The following NR2C2 variants were observed in gnomAD, a reference collection of about 807,000 sequenced individuals.
NR2C2 encodes the protein nuclear receptor subfamily 2 group C member 2.
Under a neutral mutation model 62.9 loss-of-function variants are expected in NR2C2, and 6 were observed. The observed-to-expected ratio is 0.10, with a 90% CI of 0.05 to 0.19. The LOEUF (loss-of-function observed/expected upper bound fraction) is 0.19, where lower values mean the gene tolerates loss of function less well. Ranked by LOEUF, NR2C2 falls within the 10% of genes least tolerant of loss-of-function variation. The pLI is 1.00. For synonymous variants in NR2C2, 272 were observed against 273.8 expected (o/e 0.99, Z 0.07); for missense variants, 479 against 762.7 (o/e 0.63, Z 4.38).
chr3:15,020,683 A>G, intron 4 of NR2C2, 70 bp from the exon 5 acceptor site: 1 of 1,551,468 alleles, frequency 6.4e-7, no homozygotes, highest in Non-Finnish European at 8.8e-7. Context: ...ACAGGAACTG[A>G]CAGATCACCT....
At chr3:14,952,387 T>G (rs749330713) in intron 1 of NR2C2, among the ~76,000 whole-genome samples, 1 of 152,174 alleles carries the variant, frequency 6.6e-6, no homozygotes, top group Non-Finnish European at 1.5e-5. Context: ...TTTTTATTGT[T>G]GAGTTCTCTT....
At chr3:14,979,084 C>T (rs540399613) in intron 1 of NR2C2, among the ~76,000 whole-genome samples, 3 of 152,212 alleles carry the variant, frequency 2.0e-5, no homozygotes, top group Admixed American at 6.5e-5. Context: ...ACTTCATCAT[C>T]TGCTTTCTGT....
chr3:14,949,434 G>A (rs778386537), intron 1 of NR2C2, among the ~76,000 whole-genome samples: 24 of 152,330 alleles, frequency 1.6e-4, no homozygotes, highest in African/African-American at 4.8e-4. Context: ...TGGAGAGTTG[G>A]TTGGAACTAG....
chr3:15,044,963 G>A lies in NR2C2; in HGVS notation c.*1955G>A, dbSNP rs2042400061. 1 of 152,238 alleles carries A rather than the reference G, an allele frequency of 6.6e-6. No individual in the cohort carries two copies. The highest frequency in any genetic ancestry group is 1.5e-5 in the Non-Finnish European group (1 of 68,040). The allele number at this position is 152,238 out of a possible 1,614,324, so 9.4% of individuals were successfully genotyped here. On this transcript the variant is annotated 3_prime_UTR_variant, in exon 14 of 14. Transcript: ENST00000425241. ...AATTCTTGCCTTGGCAGCAAATTTT[G>A]GAGAGTAGTGGGAGTGGCCATTATA...
At chr3:15,010,992 C>T (rs1222684964) in intron 2 of NR2C2, among the ~76,000 whole-genome samples, 2 of 152,154 alleles carry the variant, frequency 1.3e-5, no homozygotes, top group East Asian at 1.9e-4. Context: ...CTCTCAATCA[C>T]ATAACTGTCA....
At chr3:15,033,724 G>A (rs1327173954) in intron 10 of NR2C2, among the ~76,000 whole-genome samples, 4 of 147,230 alleles carry the variant, frequency 2.7e-5, no homozygotes, top group Non-Finnish European at 3.0e-5. Flanking sequence ...TTTTAAATGA[G>A]GTTAAAACAT....
chr3:14,956,899 G>C (rs1978782), intron 1 of NR2C2, among the ~76,000 whole-genome samples: 40,705 of 152,128 alleles, frequency 0.27, 6,228 homozygotes, highest in African/African-American at 0.41. Context: ...AGCCTTATGT[G>C]AAAATCAGAC....
intron 9 of NR2C2, 71 bp downstream of exon 9, chr3:15,030,523 C>T (rs866997343): frequency 1.5e-5 from 22 of 1,438,960 alleles, no homozygotes; most frequent in Middle Eastern, 3.9e-4. Context: ...AGCCGATCTG[C>T]AGTTTTAAAA....
intron 1 of NR2C2, among the ~76,000 whole-genome samples, chr3:14,995,668 C>CGTGTGTGTGT (rs58878848): frequency 0.076 from 11,357 of 148,552 alleles, 1,114 homozygotes; most frequent in African/African-American, 0.23. Flanking sequence ...GTTTTCATTA[C>CGTGTGTGTGT]GTGTGTGTGT....
At chr3:14,950,076 G>A (rs1296517948) in intron 1 of NR2C2, among the ~76,000 whole-genome samples, 1 of 152,168 alleles carries the variant, frequency 6.6e-6, no homozygotes, top group East Asian at 1.9e-4. Flanking sequence ...TGCCTGACAT[G>A]TAGCAAATAC....
intron 1 of NR2C2, among the ~76,000 whole-genome samples, chr3:14,949,777 A>G (rs774312541): frequency 1.3e-5 from 2 of 151,444 alleles, no homozygotes; most frequent in Non-Finnish European, 2.9e-5. Flanking sequence ...TTATTTATTT[A>G]TTTTTTGAGA....
At chr3:15,015,590 G>A (rs1256953276) in intron 3 of NR2C2, among the ~76,000 whole-genome samples, 1 of 152,176 alleles carries the variant, frequency 6.6e-6, no homozygotes, top group Non-Finnish European at 1.5e-5. Flanking sequence ...ATTTTGGGTG[G>A]TTGTAGTAGC....
chr3:14,961,307 T>C (rs896724465), intron 1 of NR2C2, among the ~76,000 whole-genome samples: 6 of 152,212 alleles, frequency 3.9e-5, no homozygotes, highest in African/African-American at 1.2e-4. Flanking sequence ...TTCATAGAGA[T>C]CAGTGATTAT....
In NR2C2 at chr3:15,048,916, T is replaced by C. The variant is rs1350442490; in HGVS notation, c.*5908T>C. Reference sequence around the variant, plus strand: ...TGTTAGATTTTCTTGGGACCGTTTCTGTAACCTTTGCCCTTCACAATATAG... The same window carrying C: ...TGTTAGATTTTCTTGGGACCGTTTCCGTAACCTTTGCCCTTCACAATATAG... On this transcript the variant is annotated 3_prime_UTR_variant, in exon 14 of 14. Transcript: ENST00000425241. 1 of 152,678 alleles carries C rather than the reference T, an allele frequency of 6.5e-6. No individual in the cohort carries two copies. Among genetic ancestry groups the C allele is most frequent in the African/African-American group, 2.4e-5 (1 of 41,470 alleles). The allele number at this position is 152,678 out of a possible 1,614,324, so 9.5% of individuals were successfully genotyped here. A position where few individuals can be genotyped will look rare whatever the true frequency, so the allele number is the denominator to read the frequency against.
At chr3:14,993,838 A>G (rs1162173818) in intron 1 of NR2C2, among the ~76,000 whole-genome samples, 1 of 152,214 alleles carries the variant, frequency 6.6e-6, no homozygotes, top group Admixed American at 6.5e-5. Context: ...TATCAAGGGA[A>G]TAAATAAAAT....
At chr3:15,039,502 C>T (rs1308401061) in intron 13 of NR2C2, among the ~76,000 whole-genome samples, 10 of 152,118 alleles carry the variant, frequency 6.6e-5, no homozygotes, top group African/African-American at 2.2e-4. Flanking sequence ...TGACTGTGAG[C>T]GAGGCCTCAG....
Position 15,047,826 on chromosome 3 carries a change from T to G in NR2C2, c.*4818T>G, listed in dbSNP as rs915806263. 1 of 152,274 alleles carries G rather than the reference T, an allele frequency of 6.6e-6. No individual in the cohort carries two copies. The highest frequency in any genetic ancestry group is 1.5e-5 in the Non-Finnish European group (1 of 68,046). 9.4% of individuals were successfully genotyped at this position (152,274 alleles called of 1,614,324 possible). On this transcript the variant is annotated 3_prime_UTR_variant, in exon 14 of 14. Coordinates refer to ENST00000425241, the MANE Select transcript of NR2C2 (RefSeq NM_001291694.2). ...CTAACTGTAAGCATGTAAATGACTT[T>G]AACTCCTTTCTATAAGTTATGATTT...
Position 15,042,209 on chromosome 3 carries a change from C to G in NR2C2, c.1617-625C>G, listed in dbSNP as rs1429917237. On this transcript the variant is annotated intron_variant, in intron 13 of 13. Transcript: ENST00000425241. ...AGTGTTCAGTGGCCCTCCAGGGCAGCATTGTGGTGCACCCTCCACCCCAAG... is the reference window on the plus strand; with the variant it reads ...AGTGTTCAGTGGCCCTCCAGGGCAGGATTGTGGTGCACCCTCCACCCCAAG... Among the ~76,000 whole-genome samples, 3 of 152,234 alleles carry G rather than the reference C, an allele frequency of 2.0e-5. No homozygotes were observed. The East Asian group carries it at 5.8e-4, about 29-fold the overall frequency.
chr3:14,999,083 C>T (rs1318728054), intron 1 of NR2C2, among the ~76,000 whole-genome samples: 1 of 152,096 alleles, frequency 6.6e-6, no homozygotes, highest in East Asian at 1.9e-4. Flanking sequence ...TTGGGAGGCC[C>T]AGGCGGGTGG....
Sources: allele counts gnomAD v4.1 joint callset (sites outside exome capture counted in the v4.1 genomes callset), GRCh38; gene constraint gnomAD v4.1.1; transcripts MANE v1.5; gene names NCBI Gene and HGNC (gene_info 2026-07-23, HGNC 2026-07-21).